CAMKMT: variants seen among roughly 807,000 people sequenced by gnomAD.
The protein encoded by CAMKMT is CaM KMT.
In CAMKMT, 53 loss-of-function variants were observed where a neutral mutation model predicts 48.0. The ratio of observed to expected loss-of-function variants is 1.10; its 90% CI spans 0.89 to 1.39. The LOEUF (loss-of-function observed/expected upper bound fraction) is 1.39. Ranked by LOEUF, CAMKMT falls within the 40% of genes most tolerant of loss-of-function variation. The probability of loss-of-function intolerance (pLI) is 0.00; values close to 1 mark genes in which losing one functional copy is unlikely to be tolerated. For missense variants in CAMKMT, 428 were observed against 402.7 expected (o/e 1.06, Z -0.54); for synonymous variants, 165 against 152.3 (o/e 1.08, Z -0.61).
At chr2:44,614,969 G>T (rs1476658526) in intron 3 of CAMKMT, among the ~76,000 whole-genome samples, 2 of 67,266 alleles carry the variant, frequency 3.0e-5, no homozygotes, top group Admixed American at 1.8e-4. Context: ...TTGAGACAGG[G>T]TCTTGCTCTG....
At chr2:44,388,785 C>G (rs1375876029) in intron 2 of CAMKMT, among the ~76,000 whole-genome samples, 1 of 152,138 alleles carries the variant, frequency 6.6e-6, no homozygotes, top group Non-Finnish European at 1.5e-5. Context: ...TGGGTTCTAG[C>G]TACCCAGTGA....
intron 3 of CAMKMT, among the ~76,000 whole-genome samples, chr2:44,517,952 T>A (rs1261996183): frequency 6.6e-6 from 1 of 152,206 alleles, no homozygotes; most frequent in Non-Finnish European, 1.5e-5. Flanking sequence ...TGAATTTTTT[T>A]ATTTTGCTTT....
chr2:44,518,018 G>A (rs1384201674), intron 3 of CAMKMT, among the ~76,000 whole-genome samples: 1 of 152,034 alleles, frequency 6.6e-6, no homozygotes, highest in Admixed American at 6.6e-5. Flanking sequence ...TACCCATCTT[G>A]GCTCTGGTGC....
At chr2:44,586,841 T>C (rs1669884729) in intron 3 of CAMKMT, among the ~76,000 whole-genome samples, 2 of 152,214 alleles carry the variant, frequency 1.3e-5, no homozygotes, top group South Asian at 2.1e-4. Flanking sequence ...TAGAAATGCT[T>C]AGATCATGTG....
intron 9 of CAMKMT, among the ~76,000 whole-genome samples, chr2:44,762,180 A>G (rs989000726): frequency 6.6e-6 from 1 of 152,206 alleles, no homozygotes; most frequent in Non-Finnish European, 1.5e-5. Flanking sequence ...TGAAAGCTGC[A>G]TTTCAGAAAC....
In CAMKMT at chr2:44,527,093, T is replaced by G. The variant is rs190047220; in HGVS notation, c.376+136788T>G. 6.5e-3 allele frequency among the ~76,000 whole-genome samples: 959 copies of G among 148,180 alleles called. 52 individuals carry two copies. In the East Asian group the frequency reaches 0.11, roughly 17 times the overall value. ...TTCCTTGACAACCACCCCCAGTTTT[T>G]TTTTTTTTTTTCTTTCTAAGACAGG... is the stretch of plus-strand genomic sequence containing the variant. On this transcript the variant is annotated intron_variant, in intron 3 of 10. Coordinates refer to ENST00000378494, the MANE Select transcript of CAMKMT (RefSeq NM_024766.5).
intron 3 of CAMKMT, among the ~76,000 whole-genome samples, chr2:44,409,266 G>T (rs189845348): frequency 6.6e-6 from 1 of 151,292 alleles, no homozygotes; most frequent in Non-Finnish European, 1.5e-5. Context: ...ATTCTTGCAG[G>T]TATGTATTAT....
intron 3 of CAMKMT, among the ~76,000 whole-genome samples, chr2:44,467,557 AAAAC>A (rs987040306): frequency 2.0e-5 from 3 of 151,998 alleles, no homozygotes; most frequent in Non-Finnish European, 2.9e-5. Context: ...AAAACAAAAA[AAAAC>A]AAAGCCAAAC....
Position 44,735,367 on chromosome 2 carries a change from G to A in CAMKMT, c.624-8255G>A, listed in dbSNP as rs562200835. ...TTTAGTACAGTTACTGATGGGGTTA[G>A]ATTTAAATCTGTCATTTTACTATTT... On this transcript the variant is annotated intron_variant, in intron 7 of 10. Transcript: ENST00000378494. 9.8e-4 allele frequency among the ~76,000 whole-genome samples: 149 copies of A among 152,242 alleles called. 1 individual carries two copies. Among genetic ancestry groups the A allele is most frequent in the South Asian group, 1.9e-3 (9 of 4,822 alleles).
intron 2 of CAMKMT, among the ~76,000 whole-genome samples, chr2:44,386,452 C>G (rs892210836): frequency 3.9e-5 from 6 of 152,124 alleles, no homozygotes; most frequent in Admixed American, 2.0e-4. Context: ...TTTATCTTTT[C>G]AAAGAACCAG....
intron 3 of CAMKMT, among the ~76,000 whole-genome samples, chr2:44,617,663 T>C (rs944945187): frequency 6.6e-6 from 1 of 152,240 alleles, no homozygotes; most frequent in African/African-American, 2.4e-5. Context: ...CACTTTGAAG[T>C]TACCTGGAGT....
At chr2:44,665,271 A>T (rs983847047) in intron 3 of CAMKMT, among the ~76,000 whole-genome samples, 10 of 152,048 alleles carry the variant, frequency 6.6e-5, no homozygotes, top group Non-Finnish European at 1.5e-4. Context: ...GGGTTTCACC[A>T]TGTTGGCCAT....
chr2:44,567,681 AAG>A (rs1018475383), intron 3 of CAMKMT, among the ~76,000 whole-genome samples: 1 of 152,110 alleles, frequency 6.6e-6, no homozygotes, highest in Non-Finnish European at 1.5e-5. Context: ...ATAAGATAAA[AAG>A]AGAGGATTTT....
At chr2:44,768,342 G>GATATATATATATAT (rs35422115) in intron 10 of CAMKMT, among the ~76,000 whole-genome samples, 182 of 111,398 alleles carry the variant, frequency 1.6e-3, no homozygotes, top group African/African-American at 4.8e-3. Flanking sequence ...GGGCGCCCAT[G>GATATATATATATAT]ATATATATAT....
chr2:44,652,964 A>G (rs1394551732), intron 3 of CAMKMT, among the ~76,000 whole-genome samples: 3 of 152,092 alleles, frequency 2.0e-5, no homozygotes, highest in Admixed American at 6.5e-5. Context: ...TCTTATTCAC[A>G]TGGAAAATAG....
chr2:44,577,596 G>C (rs1669295847), intron 3 of CAMKMT, among the ~76,000 whole-genome samples: 1 of 151,510 alleles, frequency 6.6e-6, no homozygotes, highest in African/African-American at 2.4e-5. Context: ...TCCAGCCTGA[G>C]AGACAGAGTG....
chr2:44,766,286 G>C, intron 9 of CAMKMT, 144 bp from the exon 10 acceptor site: 3 of 803,878 alleles, frequency 3.7e-6, no homozygotes, highest in Non-Finnish European at 6.0e-6. Context: ...TATTCTCACT[G>C]TGAATGTCCA....
At chr2:44,652,249 A>T (rs1206089500) in intron 3 of CAMKMT, among the ~76,000 whole-genome samples, 1 of 152,190 alleles carries the variant, frequency 6.6e-6, no homozygotes, top group East Asian at 1.9e-4. Context: ...AATGTAGTTG[A>T]TACTATTTTA....
intron 3 of CAMKMT, among the ~76,000 whole-genome samples, chr2:44,463,063 C>A (rs1265930169): frequency 6.6e-6 from 1 of 152,174 alleles, no homozygotes. Flanking sequence ...TGCCAGAAGG[C>A]CACAGTATCA....
Sources: allele counts gnomAD v4.1 joint callset (sites outside exome capture counted in the v4.1 genomes callset), GRCh38; gene constraint gnomAD v4.1.1; transcripts MANE v1.5; gene names NCBI Gene and HGNC (gene_info 2026-07-23, HGNC 2026-07-21).